DNAH11: variants seen among roughly 807,000 people sequenced by gnomAD.
The protein encoded by DNAH11 is axonemal beta dynein heavy chain 11.
DNAH11 carries 442 observed loss-of-function variants against 526.0 expected under a neutral mutation model. The ratio of observed to expected loss-of-function variants is 0.84; its 90% CI spans 0.78 to 0.91. The LOEUF is 0.91. Among genes scored for constraint, DNAH11 ranks in the 40% least tolerant of loss-of-function variants. The probability of loss-of-function intolerance (pLI) is 0.00; values close to 1 mark genes in which losing one functional copy is unlikely to be tolerated. For synonymous variants in DNAH11, 2,461 were observed against 1,935.9 expected (o/e 1.27, Z -7.12); for missense variants, 6,989 against 5,448.7 (o/e 1.28, Z -8.90).
At chr7:21,753,297 C>G (rs1258771102) in intron 54 of DNAH11, among the ~76,000 whole-genome samples, 2 of 152,144 alleles carry the variant, frequency 1.3e-5, no homozygotes, top group Non-Finnish European at 2.9e-5. Flanking sequence ...ACCCTAAGCT[C>G]ATGTCTTACT....
rs753807678 is a variant in DNAH11, at chr7:21,615,219, C to T, written c.3958C>T (p.Arg1320Cys). Residue 1320 changes from arginine (R) to cysteine (C), a missense_variant, in exon 21 of 82, where the codon CGC becomes TGC. Coordinates refer to ENST00000409508, the MANE Select transcript of DNAH11 (RefSeq NM_001277115.2). ...LPEYKQMKQC[R>C]KEIKLLKGLW... ...AGAGTACAAACAAATGAAACAGTGT[C>T]GCAAAGAAATAAAATTGCTCAAGGG... The T allele has an allele frequency of 1.6e-5, 26 of 1,613,022 alleles. No individual in the cohort carries two copies. The highest frequency in any genetic ancestry group is 4.0e-5 in the African/African-American group (3 of 74,860).
At chr7:21,636,184 T>G (rs1786855778) in intron 26 of DNAH11, 89 bp downstream of exon 26, 1 of 1,172,138 alleles carries the variant, frequency 8.5e-7, no homozygotes, top group African/African-American at 1.6e-5. Context: ...ATGAATGCAT[T>G]TTTGCATGAG....
chr7:21,822,707 G>A (rs1331338657), intron 65 of DNAH11, among the ~76,000 whole-genome samples: 1 of 152,130 alleles, frequency 6.6e-6, no homozygotes, highest in Non-Finnish European at 1.5e-5. Context: ...GTTTTCCATA[G>A]TGGCTATACT....
chr7:21,885,454 G>A (rs77368402), intron 76 of DNAH11, among the ~76,000 whole-genome samples: 216 of 152,028 alleles, frequency 1.4e-3, no homozygotes, highest in African/African-American at 5.0e-3. Context: ...ACCAGAGACT[G>A]GGGAAGGGGA....
chr7:21,838,747 T>G (rs1164152795), intron 65 of DNAH11, among the ~76,000 whole-genome samples: 1 of 151,932 alleles, frequency 6.6e-6, no homozygotes, highest in Non-Finnish European at 1.5e-5. Context: ...TATTTATTTA[T>G]TTTTGAGACA....
intron 63 of DNAH11, among the ~76,000 whole-genome samples, chr7:21,815,047 G>A (rs1044204175): frequency 6.6e-6 from 1 of 152,012 alleles, no homozygotes; most frequent in East Asian, 1.9e-4. Context: ...ATATTGAACT[G>A]GGTTTTATTT....
chr7:21,685,880 C>T (rs1326160390), intron 32 of DNAH11, among the ~76,000 whole-genome samples: 2 of 152,172 alleles, frequency 1.3e-5, no homozygotes, highest in Non-Finnish European at 2.9e-5. Context: ...CTCGTCATTT[C>T]TGCACATACA....
intron 43 of DNAH11, 31 bp downstream of exon 43, chr7:21,717,956 T>C: frequency 6.3e-7 from 1 of 1,593,666 alleles, no homozygotes; most frequent in Non-Finnish European, 8.6e-7. Flanking sequence ...TTTAACGTTC[T>C]AGTTCTGATG....
At chr7:21,771,097 A>T (rs752074961) in intron 55 of DNAH11, among the ~76,000 whole-genome samples, 14 of 152,226 alleles carry the variant, frequency 9.2e-5, no homozygotes, top group Non-Finnish European at 5.9e-5. Flanking sequence ...AATGTTCAAG[A>T]CTTACTGTAG....
intron 61 of DNAH11, among the ~76,000 whole-genome samples, chr7:21,793,816 C>CAGA (rs1057207801): frequency 3.9e-5 from 6 of 152,110 alleles, no homozygotes; most frequent in Admixed American, 6.5e-5. Flanking sequence ...CCACTTAGAT[C>CAGA]TATTCATGTT....
chr7:21,693,198 A>G (rs1203609052), intron 35 of DNAH11, among the ~76,000 whole-genome samples: 1 of 152,184 alleles, frequency 6.6e-6, no homozygotes, highest in Non-Finnish European at 1.5e-5. Context: ...GTTTTCTTTT[A>G]TAAGCTTTGT....
At chr7:21,797,119 G>C (rs1562551801) in intron 61 of DNAH11, among the ~76,000 whole-genome samples, 3 of 151,822 alleles carry the variant, frequency 2.0e-5, no homozygotes, top group Non-Finnish European at 4.4e-5. Context: ...AAGGAGAAAG[G>C]TACAAACAAT....
chr7:21,569,473 T>C (rs1360562131), intron 6 of DNAH11, among the ~76,000 whole-genome samples: 1 of 152,158 alleles, frequency 6.6e-6, no homozygotes, highest in African/African-American at 2.4e-5. Context: ...TCCAGTCTTT[T>C]CTTTTATCCT....
intron 65 of DNAH11, among the ~76,000 whole-genome samples, chr7:21,832,989 T>G (rs74906542): frequency 0.012 from 1,840 of 152,294 alleles, 37 homozygotes; most frequent in African/African-American, 0.041. Context: ...CATGCATATG[T>G]GAATACACAC....
At position 21,844,706 on chromosome 7, in the gene DNAH11, C is replaced by T. The variant is rs118145051; in HGVS notation, c.10896+1958C>T. Among the ~76,000 whole-genome samples, 128 of 152,308 alleles carry T rather than the reference C, an allele frequency of 8.4e-4. 3 individuals are homozygous for T. In the East Asian group the frequency reaches 0.022, roughly 27 times the overall value. ...AAATTATCTGGCCACACCCCAGATC[C>T]CACTAAATGAGAAACTCTGGTTGGG... On this transcript the variant is annotated intron_variant, in intron 66 of 81. Coordinates refer to ENST00000409508, the MANE Select transcript of DNAH11 (RefSeq NM_001277115.2).
At chr7:21,862,075 C>T (rs1332661981) in intron 69 of DNAH11, 52 bp downstream of exon 69, 1 of 1,496,634 alleles carries the variant, frequency 6.7e-7, no homozygotes, top group Admixed American at 2.3e-5. Context: ...AGGCAGATGC[C>T]TCTGTTTATT....
At chr7:21,698,351 G>T in intron 36 of DNAH11, 138 bp downstream of exon 36, 1 of 1,233,868 alleles carries the variant, frequency 8.1e-7, no homozygotes. Context: ...TCAATAGTTT[G>T]GGGGAACAGG....
rs148656615 is a variant in DNAH11, at chr7:21,744,558, T to C, written c.8275T>C (p.Phe2759Leu). ...KLIDKKDCDL[F>L]QRRMLETAYK... ...GATAGACAAAAAAGATTGTGATTTG[T>C]TTCAGAGAAGAATGCTGGAAACTGC... Residue 2759 changes from phenylalanine (F) to leucine (L), a missense_variant, in exon 50 of 82, where the codon TTT becomes CTT. Physicochemically the swap from Phe to Leu is conservative, Grantham distance 22 (BLOSUM62 0). Coordinates refer to ENST00000409508, the MANE Select transcript of DNAH11 (RefSeq NM_001277115.2). The C allele has an allele frequency of 9.9e-5, 159 of 1,613,574 alleles. 1 individual carries two copies. In the East Asian group the frequency reaches 2.8e-3, roughly 28 times the overall value.
chr7:21,608,908 G>A (rs902535457), intron 20 of DNAH11, among the ~76,000 whole-genome samples: 3 of 152,144 alleles, frequency 2.0e-5, no homozygotes, highest in Admixed American at 6.5e-5. Flanking sequence ...TTGAAGTCAT[G>A]TTCTTGGTGT....
Sources: allele counts gnomAD v4.1 joint callset (sites outside exome capture counted in the v4.1 genomes callset), GRCh38; gene constraint gnomAD v4.1.1; transcripts MANE v1.5; gene names NCBI Gene and HGNC (gene_info 2026-07-23, HGNC 2026-07-21).